The following PCDH7 variants were observed in gnomAD, a reference collection of about 807,000 sequenced individuals.
The protein encoded by PCDH7 is protocadherin-7.
PCDH7 carries 17 observed loss-of-function variants against 58.9 expected under a neutral mutation model. That is an observed-to-expected ratio of 0.29 (90% CI 0.20 to 0.43). The LOEUF (loss-of-function observed/expected upper bound fraction) is 0.43, where lower values mean the gene tolerates loss of function less well. Among genes scored for constraint, PCDH7 ranks in the 20% least tolerant of loss-of-function variants. The probability of loss-of-function intolerance (pLI) is 1.00; values close to 1 mark genes in which losing one functional copy is unlikely to be tolerated. For synonymous variants in PCDH7, 664 were observed against 616.4 expected, an observed-to-expected ratio of 1.08 and a Z score of -1.14; for missense variants, 1,274 against 1,441.0, an observed-to-expected ratio of 0.88 and a Z score of 1.88.
intron 1 of PCDH7, among the ~76,000 whole-genome samples, chr4:30,893,233 A>C (rs970493770): frequency 6.6e-6 from 1 of 152,098 alleles, no homozygotes; most frequent in Non-Finnish European, 1.5e-5. Context: ...ATATTTCTTT[A>C]ACCGTTAAAA....
intron 3 of PCDH7, among the ~76,000 whole-genome samples, chr4:31,065,432 T>C (rs190308085): frequency 1.5e-4 from 23 of 152,068 alleles, no homozygotes; most frequent in African/African-American, 5.5e-4. Context: ...AGGGATGCAA[T>C]TTTCAACTTT....
chr4:30,903,812 T>C (rs1416979792), intron 1 of PCDH7, among the ~76,000 whole-genome samples: 1 of 152,168 alleles, frequency 6.6e-6, no homozygotes, highest in Non-Finnish European at 1.5e-5. Context: ...TTACAAGGGA[T>C]TCCAGAGACC....
chr4:30,965,788 C>T (rs1398285666), intron 3 of PCDH7, among the ~76,000 whole-genome samples: 4 of 151,752 alleles, frequency 2.6e-5, no homozygotes, highest in Admixed American at 2.6e-4. Flanking sequence ...CAAAATAATA[C>T]CTGAAGTTTT....
chr4:30,879,362 C>T (rs1736672019), intron 1 of PCDH7, among the ~76,000 whole-genome samples: 1 of 151,946 alleles, frequency 6.6e-6, no homozygotes, highest in South Asian at 2.1e-4. Flanking sequence ...CCAGGATTAA[C>T]AAAACTGTGC....
intron 3 of PCDH7, among the ~76,000 whole-genome samples, chr4:31,070,891 C>A (rs1476900599): frequency 6.6e-6 from 1 of 152,048 alleles, no homozygotes; most frequent in Admixed American, 6.6e-5. Context: ...TAATGCAGTG[C>A]TGCAAAGTAG....
At chr4:31,033,704 T>G (rs1755150068) in intron 3 of PCDH7, among the ~76,000 whole-genome samples, 1 of 152,166 alleles carries the variant, frequency 6.6e-6, no homozygotes, top group Non-Finnish European at 1.5e-5. Context: ...CATCCAATCC[T>G]TTAACTCCCA....
At chr4:30,981,368 T>C (rs578001217) in intron 3 of PCDH7, among the ~76,000 whole-genome samples, 45 of 152,344 alleles carry the variant, frequency 3.0e-4, no homozygotes, top group African/African-American at 8.4e-4. Context: ...TAGATTATTG[T>C]TGGGAACCAT....
intron 1 of PCDH7, among the ~76,000 whole-genome samples, chr4:30,898,580 G>A (rs1456848789): frequency 6.6e-6 from 1 of 152,150 alleles, no homozygotes; most frequent in Non-Finnish European, 1.5e-5. Context: ...ATCTTGAGGT[G>A]TAGATGGAGC....
intron 3 of PCDH7, among the ~76,000 whole-genome samples, chr4:31,095,878 G>A (rs1217312034): frequency 6.6e-6 from 1 of 151,898 alleles, no homozygotes; most frequent in Non-Finnish European, 1.5e-5. Context: ...TTATATTGTT[G>A]CTTTGTTATA....
chr4:30,965,692 A>G (rs909283756), intron 3 of PCDH7, among the ~76,000 whole-genome samples: 3 of 152,086 alleles, frequency 2.0e-5, no homozygotes, highest in Admixed American at 6.6e-5. Context: ...AGAAATAAAA[A>G]AGAGTACAAA....
chr4:30,887,190 T>C (rs971527211), intron 1 of PCDH7, among the ~76,000 whole-genome samples: 1 of 152,144 alleles, frequency 6.6e-6, no homozygotes, highest in African/African-American at 2.4e-5. Flanking sequence ...ATAGCAGTAG[T>C]ATGCTAAGGT....
rs1308205532 is a variant in PCDH7, at chr4:30,970,952, CTCAA to C, written c.*7+20739_*7+20742del. ...CACAAATGACACTTTCAGCTCTCAG[CTCAA>C]TGATTTTGCAGTTTAGCAAGTAAAG... On this transcript the variant is annotated intron_variant, in intron 3 of 3. Transcript: ENST00000509759. 2.0e-5 allele frequency among the ~76,000 whole-genome samples: 3 copies of C among 152,186 alleles called. No homozygotes were observed. The East Asian group carries it at 5.8e-4, about 29-fold the overall frequency.
At chr4:31,120,924 G>A (rs1161636207) in intron 3 of PCDH7, among the ~76,000 whole-genome samples, 1 of 152,122 alleles carries the variant, frequency 6.6e-6, no homozygotes, top group Non-Finnish European at 1.5e-5. Flanking sequence ...AATTGTGCCA[G>A]GCATGGAATA....
rs536532440 is a variant in PCDH7, at chr4:30,782,111, AT to A, written c.70+57518del. ...ATTATGATAGAATATATATTTGTGA[AT>A]TTAAATAATCATGATAGAGTATGAT... On this transcript the variant is annotated intron_variant, in intron 1 of 3. Coordinates refer to the PCDH7 transcript ENST00000509759. Among the ~76,000 whole-genome samples the A allele has an allele frequency of 8.0e-3, 1,223 of 152,264 alleles. 8 individuals are homozygous for A. Among genetic ancestry groups the A allele is most frequent in the Non-Finnish European group, 0.014 (967 of 68,018 alleles).
Position 30,722,864 on chromosome 4 carries a change from A to G in PCDH7, c.1442A>G (p.Asn481Ser), listed in dbSNP as rs1333303236. The change falls in exon 1 of 2, where the codon AAC becomes AGC. Residue 481 changes from asparagine (N) to serine (S), a missense_variant. Physicochemically the swap from Asn to Ser is conservative, Grantham distance 46. Coordinates refer to ENST00000361762, the Ensembl canonical transcript of PCDH7. This position sits in a 1 kb window ranked among gnomAD's most constrained non-coding sequence, Gnocchi z 7.6. ...GCCAGCGACACCGAGGGCGACCAGAACAAGAAAAAGTACTTCTTGCACACC... is the reference window on the plus strand; with the variant it reads ...GCCAGCGACACCGAGGGCGACCAGAGCAAGAAAAAGTACTTCTTGCACACC... The G allele has an allele frequency of 2.5e-6, 4 of 1,613,854 alleles. No individual in the cohort carries two copies. The highest frequency in any genetic ancestry group is 3.4e-6 in the Non-Finnish European group (4 of 1,180,024).
chr4:31,017,335 C>G (rs1272915835), intron 3 of PCDH7, among the ~76,000 whole-genome samples: 1 of 152,038 alleles, frequency 6.6e-6, no homozygotes, highest in Non-Finnish European at 1.5e-5. Flanking sequence ...CCATTTGATG[C>G]ACAGCATTGT....
At chr4:31,078,802 T>G (rs914742434) in intron 3 of PCDH7, among the ~76,000 whole-genome samples, 2 of 152,016 alleles carry the variant, frequency 1.3e-5, no homozygotes, top group African/African-American at 4.8e-5. Flanking sequence ...TTTCCATACA[T>G]GATGTCAAAA....
intron 3 of PCDH7, among the ~76,000 whole-genome samples, chr4:31,103,949 G>C (rs577734713): frequency 4.6e-5 from 7 of 152,236 alleles, no homozygotes; most frequent in Non-Finnish European, 8.8e-5. Flanking sequence ...CCAAATACGT[G>C]ATACGGTTTC....
chr4:31,034,522 C>T lies in PCDH7; in HGVS notation c.*7+84307C>T, dbSNP rs143640504. On this transcript the variant is annotated intron_variant, in intron 3 of 3. Transcript: ENST00000509759. ...AAACACATTTTTACAATGAAGACAA[C>T]TAAAGCGTAGCCGCTCAGTACTTTT... Among the ~76,000 whole-genome samples the T allele has an allele frequency of 1.7e-3, 257 of 152,250 alleles. 1 individual carries two copies. The highest frequency in any genetic ancestry group is 6.0e-3 in the African/African-American group (249 of 41,556).
Sources: gnomAD v4.1 joint callset for allele counts (sites outside exome capture counted in the v4.1 genomes callset) on GRCh38, gnomAD v4.1.1 for gene constraint, Gnocchi (gnomAD v3.1) non-coding constraint, MANE v1.5 for transcripts, NCBI Gene and HGNC (gene_info 2026-07-23, HGNC 2026-07-21) for gene names.